Variants in CNN2 observed in about 807,000 individuals in gnomAD.
The protein encoded by CNN2 is calponin 2, also known as calponin-2.
CNN2 carries 21 observed loss-of-function variants against 31.0 expected under a neutral mutation model. The ratio of observed to expected loss-of-function variants is 0.68; its 90% CI spans 0.48 to 0.98. The LOEUF is 0.98. CNN2 is among the 50% of genes least tolerant of loss of function. CNN2 has a pLI of 0.00. For missense variants in CNN2, 399 were observed against 427.3 expected, an observed-to-expected ratio of 0.93 and a Z score of 0.58; for synonymous variants, 165 against 179.6, an observed-to-expected ratio of 0.92 and a Z score of 0.65.
chr19:1,027,017 G>A (rs1280458800), intron 1 of CNN2: 7 of 351,772 alleles, frequency 2.0e-5, no homozygotes, highest in Non-Finnish European at 3.1e-5. Flanking sequence ...CATGGCCCCA[G>A]GACCCCCACG....
rs924547009 is a variant in CNN2 at position 1,032,301 on chromosome 19, G to A, written c.186-91G>A. ...AGGCCGTGAGTTTGCCCAGGAAGGC[G>A]TGAGCTTGGCTGAGATCAGCATCGG... On this transcript the variant is annotated intron_variant, in intron 2 of 6. Transcript: ENST00000263097. 2.6e-5 allele frequency: 39 copies of A among 1,509,246 alleles called. No individual in the cohort carries two copies. In the African/African-American group the frequency reaches 3.5e-4, roughly 13 times the overall value. 93.5% of individuals were successfully genotyped at this position (1,509,246 alleles called of 1,614,324 possible). A position where few individuals can be genotyped will look rare whatever the true frequency, so the allele number is the denominator to read the frequency against.
In CNN2 at chr19:1,026,693, C is replaced by G. The variant is rs1352985305; in HGVS notation, c.32C>G (p.Ser11Trp). Residue 11 changes from serine to tryptophan, a missense_variant, in exon 1 of 7, where the codon TCG becomes TGG. Ser to Trp is a radical substitution (Grantham distance 177). Transcript: ENST00000263097. Reference protein sequence around the residue: MSSTQFNKGPSYGLSAEVKNR... With the variant: MSSTQFNKGPWYGLSAEVKNR... Reference sequence around the variant, plus strand: ...TCCACGCAGTTCAACAAGGGCCCCTCGTACGGGCTGTCGGCCGAGGTCAAG... The same window carrying G: ...TCCACGCAGTTCAACAAGGGCCCCTGGTACGGGCTGTCGGCCGAGGTCAAG... 2 of 1,550,126 alleles carry G rather than the reference C, an allele frequency of 1.3e-6. No individual in the cohort carries two copies. Among genetic ancestry groups the G allele is most frequent in the African/African-American group, 1.4e-5 (1 of 72,766 alleles).
At position 1,038,083 on chromosome 19, in the gene CNN2, G is replaced by A. The variant is rs891857517; in HGVS notation, c.*183G>A. ...TCCCCTTTGCCTTGATCCTTCGCAA[G>A]GCTGAGCCACTGGGCTGTGGGGGAA... On this transcript the variant is annotated 3_prime_UTR_variant, in exon 7 of 7. Coordinates refer to ENST00000263097, the MANE Select transcript of CNN2 (RefSeq NM_004368.4). The A allele has an allele frequency of 4.7e-6, 3 of 645,082 alleles. No homozygotes were observed. Among genetic ancestry groups the A allele is most frequent in the African/African-American group, 3.7e-5 (2 of 54,654 alleles). The allele number at this position is 645,082 out of a possible 1,614,324, so 40.0% of individuals were successfully genotyped here.
At chr19:1,032,309 G>C in intron 2 of CNN2, 83 bp from the exon 3 acceptor site, 1 of 1,545,308 alleles carries the variant, frequency 6.5e-7, no homozygotes, top group Non-Finnish European at 8.9e-7. Context: ...GCGTGAGCTT[G>C]GCTGAGATCA....
chr19:1,036,718 C>G (rs751544376), intron 6 of CNN2, 156 bp downstream of exon 6: 7 of 886,008 alleles, frequency 7.9e-6, no homozygotes, highest in Non-Finnish European at 1.2e-5. Flanking sequence ...TCTCTGTCTC[C>G]GCCTTGGATT....
Position 1,038,739 on chromosome 19 carries a change from T to G in CNN2, c.*839T>G, listed in dbSNP as rs2039672373. On this transcript the variant is annotated 3_prime_UTR_variant, in exon 7 of 7. Transcript: ENST00000263097. ...CAGGTGCTCCACCACGCCCGGCTAATTTTTGTATTTTTAGTAGAGATGGGG... is the reference window on the plus strand; with the variant it reads ...CAGGTGCTCCACCACGCCCGGCTAAGTTTTGTATTTTTAGTAGAGATGGGG... The G allele has an allele frequency of 6.6e-6, 1 of 152,160 alleles. No homozygotes were observed. The highest frequency in any genetic ancestry group is 1.5e-5 in the Non-Finnish European group (1 of 68,064). The allele number at this position is 152,160 out of a possible 1,614,324, so 9.4% of individuals were successfully genotyped here. A position where few individuals can be genotyped will look rare whatever the true frequency, so the allele number is the denominator to read the frequency against.
chr19:1,035,945 A>C, intron 4 of CNN2, 185 bp from the exon 5 acceptor site: 1 of 807,030 alleles, frequency 1.2e-6, no homozygotes, highest in Non-Finnish European at 1.8e-6. Flanking sequence ...AAAAACTGAA[A>C]CAGCTGTATG....
At chr19:1,036,842 C>A in intron 6 of CNN2, 1 of 513,102 alleles carries the variant, frequency 1.9e-6, no homozygotes, top group South Asian at 2.1e-5. Context: ...TTTTTTTAAT[C>A]TTTATTTATT....
At chr19:1,037,060 GT>G (rs1216610598) in intron 6 of CNN2, 1 of 219,764 alleles carries the variant, frequency 4.6e-6, no homozygotes, top group African/African-American at 2.4e-5. Flanking sequence ...GTTTCACCAT[GT>G]TGCCCAGGCT....
intron 2 of CNN2, among the ~76,000 whole-genome samples, chr19:1,031,561 T>A (rs2039497167): frequency 4.6e-5 from 2 of 43,056 alleles, no homozygotes; most frequent in Non-Finnish European, 7.9e-5. Context: ...CGAGACTCCA[T>A]CTCAAAAAAA....
At position 1,037,969 on chromosome 19, in the gene CNN2, C is replaced by A; in HGVS notation, c.*69C>A. On this transcript the variant is annotated 3_prime_UTR_variant, in exon 7 of 7. Coordinates refer to ENST00000263097, the MANE Select transcript of CNN2 (RefSeq NM_004368.4). ...TTTTTGGGTTTTTCTGTGTTTTCAT[C>A]TTTTTTTTTTTTTTCTTAACCCGTT... 3.4e-6 allele frequency: 4 copies of A among 1,192,952 alleles called. No homozygotes were observed. Among genetic ancestry groups the A allele is most frequent in the Non-Finnish European group, 3.4e-6 (3 of 881,068 alleles). 73.9% of individuals were successfully genotyped at this position (1,192,952 alleles called of 1,614,324 possible).
Position 1,033,729 on chromosome 19 carries a change from T to C in CNN2, c.390+1033T>C, listed in dbSNP as rs573235813. Among the ~76,000 whole-genome samples, 103 of 101,238 alleles carry C rather than the reference T, an allele frequency of 1.0e-3. 7 individuals are homozygous for C. Among genetic ancestry groups the C allele is most frequent in the African/African-American group, 4.3e-3 (97 of 22,472 alleles). The allele number at this position is 101,238 out of a possible 152,430, so 66.4% of individuals were successfully genotyped here. ...GACCGGGAGCGTGGGTGGGACACGGTGTCTGGTGTAGACGGGGAGCGTGGG... is the reference window on the plus strand; with the variant it reads ...GACCGGGAGCGTGGGTGGGACACGGCGTCTGGTGTAGACGGGGAGCGTGGG... On this transcript the variant is annotated intron_variant, in intron 4 of 6. Transcript: ENST00000263097.
intron 1 of CNN2, 154 bp from the exon 2 acceptor site, chr19:1,030,917 G>C: frequency 1.1e-6 from 1 of 951,940 alleles, no homozygotes; most frequent in Admixed American, 2.5e-5. Context: ...TGGGAAAAGG[G>C]AGCATCTGCG....
At chr19:1,035,980 C>CCCAGACA (rs2039575039) in intron 4 of CNN2, 150 bp from the exon 5 acceptor site, 5 of 1,258,346 alleles carry the variant, frequency 4.0e-6, no homozygotes, top group Non-Finnish European at 4.3e-6. Context: ...TGTGTGGAGT[C>CCCAGACA]CCAGACACCC....
Position 1,037,793 on chromosome 19 carries a change from C to T in CNN2, c.823C>T (p.Pro275Ser), listed in dbSNP as rs761262032. The T allele has an allele frequency of 6.2e-7, 1 of 1,611,368 alleles. No homozygotes were observed. The highest frequency in any genetic ancestry group is 1.1e-5 in the South Asian group (1 of 91,004). ...GRQIYDPKYC[P>S]QGTVADGAPS... Reference sequence around the variant, plus strand: ...GCAGATATATGACCCCAAGTACTGCCCGCAAGGCACAGTGGCCGATGGGGC... The same window carrying T: ...GCAGATATATGACCCCAAGTACTGCTCGCAAGGCACAGTGGCCGATGGGGC... Residue 275 changes from proline (P) to serine (S), a missense_variant, in exon 7 of 7, where the codon CCG becomes TCG. Coordinates refer to ENST00000263097, the MANE Select transcript of CNN2 (RefSeq NM_004368.4).
At position 1,036,218 on chromosome 19, in the gene CNN2, A is replaced by G; in HGVS notation, c.479A>G (p.Lys160Arg). The change falls in exon 5 of 7, where the codon AAG becomes AGG. Residue 160 changes from lysine to arginine, a missense_variant. Transcript: ENST00000263097. ...QERNFDDATM[K>R]AGQCVIGLQM... ...CGGAATTTCGACGATGCCACCATGA[A>G]GGCTGGCCAGTGCGTCATCGGGCTG... 6.2e-7 allele frequency: 1 copy of G among 1,604,030 alleles called. No individual in the cohort carries two copies. Among genetic ancestry groups the G allele is most frequent in the Non-Finnish European group, 8.5e-7 (1 of 1,175,002 alleles).
intron 2 of CNN2, 148 bp downstream of exon 2, chr19:1,031,340 G>C (rs879228642): frequency 9.2e-6 from 2 of 217,798 alleles, no homozygotes; most frequent in African/African-American, 6.6e-5. Flanking sequence ...GAGGGTGGTG[G>C]CGGGGGGCGG....
At position 1,036,553 on chromosome 19, in the gene CNN2, T is replaced by C. The variant is rs2304262; in HGVS notation, c.645T>C (p.Cys215=). Residue 215 remains cysteine, a synonymous_variant, in exon 6 of 7, where the codon TGT becomes TGC. Coordinates refer to ENST00000263097, the MANE Select transcript of CNN2 (RefSeq NM_004368.4). The part of the protein sequence containing the change: ...TISLQMGTNK[C]ASQVGMTAPG... Reference sequence around the variant, plus strand: ...GCCTCCAGATGGGCACGAACAAGTGTGCCAGCCAGGTGGGGCTCGCCCGGG... The same window carrying C: ...GCCTCCAGATGGGCACGAACAAGTGCGCCAGCCAGGTGGGGCTCGCCCGGG... 0.87 allele frequency: 1,396,081 copies of C among 1,613,696 alleles called. 605,120 individuals are homozygous for C. The highest frequency in any genetic ancestry group is 0.89 in the Admixed American group (53,701 of 60,010).
chr19:1,035,351 T>C (rs2039563964), intron 4 of CNN2, among the ~76,000 whole-genome samples: 1 of 152,052 alleles, frequency 6.6e-6, no homozygotes, highest in Non-Finnish European at 1.5e-5. Flanking sequence ...AAGCGGGAGC[T>C]GGTTTTCTCC....
Sources: allele counts gnomAD v4.1 joint callset (sites outside exome capture counted in the v4.1 genomes callset), GRCh38; gene constraint gnomAD v4.1.1; transcripts MANE v1.5; gene names NCBI Gene and HGNC (gene_info 2026-07-23, HGNC 2026-07-21).